Variants in RNFT1 observed in about 807,000 individuals in gnomAD.
RNFT1 encodes the protein ring finger protein, transmembrane 1.
In RNFT1, 35 loss-of-function variants were observed where a neutral mutation model predicts 53.2. That is an observed-to-expected ratio of 0.66 (90% confidence interval 0.50 to 0.87). The LOEUF is 0.87. Among genes scored for constraint, RNFT1 ranks in the 40% least tolerant of loss-of-function variants. The probability of loss-of-function intolerance (pLI) is 0.00; values close to 1 mark genes in which losing one functional copy is unlikely to be tolerated. For missense variants in RNFT1, 421 were observed against 515.0 expected, an observed-to-expected ratio of 0.82 and a Z score of 1.77; for synonymous variants, 141 against 172.8, an observed-to-expected ratio of 0.82 and a Z score of 1.44.
At chr17:59,958,532 A>G (rs769109342) in intron 4 of RNFT1, 88 bp from the exon 5 acceptor site, 72 of 1,051,612 alleles carry the variant, frequency 6.8e-5, no homozygotes, top group Non-Finnish European at 9.5e-5. Context: ...CAAATATTTT[A>G]TTTTGATATG....
At chr17:59,958,660 GAA>G (rs2045268749) in intron 4 of RNFT1, 1 of 602,836 alleles carries the variant, frequency 1.7e-6, no homozygotes, top group African/African-American at 1.8e-5. Context: ...ATAGAATAAG[GAA>G]AAAGTCTTCA....
chr17:59,962,925 C>T lies in RNFT1; in HGVS notation c.416G>A (p.Ser139Asn). Reference sequence around the variant, plus strand: ...GAGATAGCGGAATTCTGAGAAGGAGCTACTACCATGATCTCCAGATTCTGC... The same window carrying T: ...GAGATAGCGGAATTCTGAGAAGGAGTTACTACCATGATCTCCAGATTCTGC... ...TAAESGDHGS[S>N]SFSEFRYLFK... The change falls in exon 2 of 9, where the codon AGC becomes AAC. Residue 139 changes from serine to asparagine, a missense_variant. Physicochemically the swap from Ser to Asn is conservative, Grantham distance 46. Coordinates refer to ENST00000305783, the MANE Select transcript of RNFT1 (RefSeq NM_016125.4). The T allele has an allele frequency of 6.2e-7, 1 of 1,614,190 alleles. No homozygotes were observed. The highest frequency in any genetic ancestry group is 8.5e-7 in the Non-Finnish European group (1 of 1,180,028).
intron 2 of RNFT1, 54 bp downstream of exon 2, chr17:59,962,773 G>C: frequency 6.6e-7 from 1 of 1,507,096 alleles, no homozygotes; most frequent in South Asian, 1.2e-5. Flanking sequence ...AATAATGAAA[G>C]AAAATTAACT....
At chr17:59,959,556 T>A (rs1163918499) in intron 4 of RNFT1, 2 of 152,158 alleles carry the variant, frequency 1.3e-5, no homozygotes, top group Admixed American at 1.3e-4. Context: ...TATCAAAAAA[T>A]TAAATATTTA....
intron 7 of RNFT1, 52 bp from the exon 8 acceptor site, chr17:59,954,198 CT>C: frequency 8.2e-7 from 1 of 1,222,934 alleles, no homozygotes; most frequent in South Asian, 1.3e-5. Flanking sequence ...TTTCCTGTTC[CT>C]CAAATTACAT....
At position 59,952,932 on chromosome 17, in the gene RNFT1, G is replaced by GACCAAATGTC. The variant is rs1397346146; in HGVS notation, c.*44_*45insGACATTTGGT. The stretch of plus-strand genomic sequence containing the variant: ...CTGATGCCTTATCAGTAGTCATTAT[G>GACCAAATGTC]ACCAAATGACATTAGTATTTTGTGG... On this transcript the variant is annotated 3_prime_UTR_variant, in exon 9 of 9. Coordinates refer to ENST00000305783, the MANE Select transcript of RNFT1 (RefSeq NM_016125.4). The GACCAAATGTC allele has an allele frequency of 3.2e-6, 5 of 1,581,408 alleles. No individual in the cohort carries two copies. The South Asian group carries it at 5.6e-5, about 18-fold the overall frequency.
At chr17:59,955,853 AC>A (rs963775700) in intron 7 of RNFT1, among the ~76,000 whole-genome samples, 8 of 152,182 alleles carry the variant, frequency 5.3e-5, no homozygotes, top group Admixed American at 5.2e-4. Flanking sequence ...GGTACTAGGA[AC>A]CTTTCAGGCT....
chr17:59,963,245 T>C lies in RNFT1; in HGVS notation c.96A>G (p.Lys32=), dbSNP rs1430462933. 3 of 1,612,904 alleles carry C rather than the reference T, an allele frequency of 1.9e-6. No homozygotes were observed. Among genetic ancestry groups the C allele is most frequent in the Non-Finnish European group, 2.5e-6 (3 of 1,179,604 alleles). Residue 32 remains lysine (K), a synonymous_variant, in exon 2 of 9, where the codon AAA becomes AAG. Coordinates refer to ENST00000305783, the MANE Select transcript of RNFT1 (RefSeq NM_016125.4). The part of the protein sequence containing the change: ...RPEAKTSGSE[K]KYLRAMQANR... Reference sequence around the variant, plus strand: ...TGGCTTGCATGGCCCTTAAATACTTTTTCTCTGACCCAGATGTCTTTGCTT... The same window carrying C: ...TGGCTTGCATGGCCCTTAAATACTTCTTCTCTGACCCAGATGTCTTTGCTT...
intron 7 of RNFT1, among the ~76,000 whole-genome samples, chr17:59,954,651 C>T (rs914804104): frequency 3.9e-5 from 6 of 152,000 alleles, no homozygotes; most frequent in African/African-American, 1.2e-4. Context: ...GGGATGTGAC[C>T]CAGTAATCTA....
At position 59,961,566 on chromosome 17, in the gene RNFT1, T is replaced by C. The variant is rs144449093; in HGVS notation, c.591+974A>G. On this transcript the variant is annotated intron_variant, in intron 3 of 8. Coordinates refer to ENST00000305783, the MANE Select transcript of RNFT1 (RefSeq NM_016125.4). ...GTAACTTATGTTATGGAAAAATTCC[T>C]TGGGTTTCATTTTCTCTCTTTTTTT... Among the ~76,000 whole-genome samples the C allele has an allele frequency of 1.2e-4, 18 of 152,192 alleles. No homozygotes were observed. In the East Asian group the frequency reaches 1.5e-3, roughly 13 times the overall value.
chr17:59,959,653 G>C (rs1024942753), intron 4 of RNFT1: 3 of 152,836 alleles, frequency 2.0e-5, no homozygotes, highest in Non-Finnish European at 1.5e-5. Flanking sequence ...TGGGTGCAGT[G>C]GCTCACACCT....
intron 1 of RNFT1, among the ~76,000 whole-genome samples, 158 bp downstream of exon 1, chr17:59,964,450 G>A (rs959105212): frequency 1.3e-5 from 2 of 152,102 alleles, no homozygotes; most frequent in African/African-American, 4.8e-5. Flanking sequence ...ACAAGAAAGA[G>A]GAGAAAAAAG....
chr17:59,963,004 T>C lies in RNFT1; in HGVS notation c.337A>G (p.Ser113Gly), dbSNP rs777366933. The change falls in exon 2 of 9, where the codon AGT (serine) becomes GGT (glycine). Residue 113 changes from serine (S) to glycine (G), a missense_variant. Coordinates refer to ENST00000305783, the MANE Select transcript of RNFT1 (RefSeq NM_016125.4). ...VHSCAHGCVH[S>G]RLRGHSHSEA... ...CTGTGGGAGTGACCCCGTAAGCGACTGTGTACACATCCATGGGCACAGCTA... is the reference window on the plus strand; with the variant it reads ...CTGTGGGAGTGACCCCGTAAGCGACCGTGTACACATCCATGGGCACAGCTA... 1 of 1,614,264 alleles carries C rather than the reference T, an allele frequency of 6.2e-7. No homozygotes were observed. Among genetic ancestry groups the C allele is most frequent in the Non-Finnish European group, 8.5e-7 (1 of 1,180,046 alleles).
At chr17:59,957,542 C>A (rs2045261700) in intron 5 of RNFT1, among the ~76,000 whole-genome samples, 160 bp from the exon 6 acceptor site, 1 of 152,104 alleles carries the variant, frequency 6.6e-6, no homozygotes, top group African/African-American at 2.4e-5. Flanking sequence ...CTGGTTCTCA[C>A]ATATTACAGT....
chr17:59,953,630 T>C (rs2045235708), intron 8 of RNFT1, among the ~76,000 whole-genome samples: 1 of 152,214 alleles, frequency 6.6e-6, no homozygotes, highest in Non-Finnish European at 1.5e-5. Context: ...GTACCATCCA[T>C]TTAACCATAA....
At chr17:59,957,194 T>C (rs1482171878) in intron 6 of RNFT1, 30 bp downstream of exon 6, 2 of 1,599,270 alleles carry the variant, frequency 1.3e-6, no homozygotes, top group East Asian at 2.2e-5. Flanking sequence ...ATGTGAATCA[T>C]GCAGTGACAA....
intron 3 of RNFT1, 133 bp downstream of exon 3, chr17:59,962,407 A>G (rs1286013012): frequency 6.4e-5 from 37 of 579,720 alleles, no homozygotes; most frequent in Non-Finnish European, 9.2e-6. Flanking sequence ...CAAATTTAAC[A>G]TAACGTGGAT....
At chr17:59,955,333 G>C (rs544007708) in intron 7 of RNFT1, among the ~76,000 whole-genome samples, 122 of 152,140 alleles carry the variant, frequency 8.0e-4, no homozygotes, top group Non-Finnish European at 9.6e-4. Flanking sequence ...TAATTATGCT[G>C]ACAAGCTTTT....
intron 7 of RNFT1, 85 bp from the exon 8 acceptor site, chr17:59,954,231 A>G: frequency 1.1e-6 from 1 of 916,292 alleles, no homozygotes; most frequent in Non-Finnish European, 1.7e-6. Flanking sequence ...TACTTCTCAA[A>G]TCTCCCTGGA....
Sources: allele counts gnomAD v4.1 joint callset (sites outside exome capture counted in the v4.1 genomes callset), GRCh38; gene constraint gnomAD v4.1.1; transcripts MANE v1.5; gene names NCBI Gene and HGNC (gene_info 2026-07-23, HGNC 2026-07-21).